The following UBOX5 variants were observed in gnomAD, a reference collection of about 807,000 sequenced individuals.
UBOX5 encodes RING finger protein 37.
In UBOX5, 28 loss-of-function variants were observed where a neutral mutation model predicts 39.0. That is an observed-to-expected ratio of 0.72 (90% CI 0.53 to 0.98). The LOEUF (loss-of-function observed/expected upper bound fraction) is 0.98. UBOX5 is among the 50% of genes least tolerant of loss of function. UBOX5 has a pLI of 0.00. For missense variants in UBOX5, 585 were observed against 674.4 expected (o/e 0.87, Z 1.47); for synonymous variants, 283 against 275.5 (o/e 1.03, Z -0.27).
intron 1 of UBOX5, among the ~76,000 whole-genome samples, chr20:3,140,654 C>T (rs2066510189): frequency 6.6e-6 from 1 of 152,114 alleles, no homozygotes; most frequent in South Asian, 2.1e-4. Flanking sequence ...CTTCTGCCAA[C>T]TCCTCCCACA....
rs11480926 is a variant in UBOX5, at chr20:3,108,936, T to TAAAAAA, written c.*1164_*1169dup. On this transcript the variant is annotated 3_prime_UTR_variant, in exon 5 of 5. Transcript: ENST00000217173. ...CAACAGAGACCAACCCTGTCTCAAT[T>TAAAAAA]AAAAAAAAAAAAAAAAAAGCAACTA... 2 of 122,234 alleles carry TAAAAAA rather than the reference T, an allele frequency of 1.6e-5. No individual in the cohort carries two copies. Among genetic ancestry groups the TAAAAAA allele is most frequent in the African/African-American group, 3.1e-5 (1 of 31,832 alleles). 7.6% of individuals were successfully genotyped at this position (122,234 alleles called of 1,614,324 possible).
chr20:3,148,251 T>G (rs952705493), intron 1 of UBOX5: 2 of 1,612,740 alleles, frequency 1.2e-6, no homozygotes, highest in African/African-American at 2.7e-5. Context: ...GATAGATCCT[T>G]CCAGTGCAAA....
At chr20:3,145,150 C>T (rs2066549172) in intron 1 of UBOX5, among the ~76,000 whole-genome samples, 1 of 151,022 alleles carries the variant, frequency 6.6e-6, no homozygotes, top group African/African-American at 2.4e-5. Flanking sequence ...ATAAGTGAAG[C>T]TTTGAGAGCC....
intron 3 of UBOX5, among the ~76,000 whole-genome samples, chr20:3,118,045 T>A: frequency 6.6e-6 from 1 of 151,742 alleles, no homozygotes; most frequent in Non-Finnish European, 1.5e-5. Context: ...TGTGCGCCTG[T>A]AGTCTTGGCT....
chr20:3,123,065 TCAAAGAA>T (rs947233815), intron 2 of UBOX5, among the ~76,000 whole-genome samples: 1 of 152,122 alleles, frequency 6.6e-6, no homozygotes, highest in Non-Finnish European at 1.5e-5. Context: ...AGATTGATCA[TCAAAGAA>T]CAAAGAGCAC....
chr20:3,115,253 A>G, intron 4 of UBOX5, 52 bp downstream of exon 4: 4 of 1,557,508 alleles, frequency 2.6e-6, no homozygotes, highest in Non-Finnish European at 3.5e-6. Context: ...CCAGAGACAG[A>G]AAACAGACCA....
At chr20:3,140,969 A>T (rs987091511) in intron 1 of UBOX5, among the ~76,000 whole-genome samples, 1 of 135,648 alleles carries the variant, frequency 7.4e-6, no homozygotes, top group Non-Finnish European at 1.5e-5. Context: ...CCCAGGCTTG[A>T]GTGCAGTGGC....
intron 1 of UBOX5, chr20:3,148,412 T>C (rs1344888085): frequency 6.2e-7 from 1 of 1,614,006 alleles, no homozygotes; most frequent in Admixed American, 1.7e-5. Context: ...TGAATGGGAG[T>C]GAGGGATTCC....
intron 1 of UBOX5, among the ~76,000 whole-genome samples, chr20:3,123,752 C>T (rs184726265): frequency 4.1e-4 from 62 of 152,236 alleles, no homozygotes; most frequent in African/African-American, 1.5e-3. Flanking sequence ...AGAGAAAGGA[C>T]AGAGTGTTCG....
At chr20:3,137,165 G>C (rs895907269) in intron 1 of UBOX5, among the ~76,000 whole-genome samples, 1 of 145,478 alleles carries the variant, frequency 6.9e-6, no homozygotes, top group African/African-American at 2.6e-5. Context: ...GGATGGTCTC[G>C]AACTTCTGAC....
At chr20:3,123,670 C>T (rs557435615) in intron 1 of UBOX5, among the ~76,000 whole-genome samples, 3 of 152,248 alleles carry the variant, frequency 2.0e-5, no homozygotes, top group African/African-American at 7.2e-5. Context: ...TTCCAAAGAC[C>T]CAATGGAGGC....
chr20:3,118,209 A>C (rs2066308440), intron 3 of UBOX5, among the ~76,000 whole-genome samples: 1 of 151,516 alleles, frequency 6.6e-6, no homozygotes, highest in Non-Finnish European at 1.5e-5. Flanking sequence ...ACTATCGCTC[A>C]TGCCTGTAAT....
intron 4 of UBOX5, among the ~76,000 whole-genome samples, chr20:3,113,278 A>G (rs2066268347): frequency 6.7e-6 from 1 of 148,298 alleles, no homozygotes; most frequent in African/African-American, 2.5e-5. Context: ...ACAGAGCGAA[A>G]CAGAGCAAGA....
chr20:3,115,262 C>G lies in UBOX5; in HGVS notation c.1417+43G>C, dbSNP rs746166230. On this transcript the variant is annotated intron_variant, in intron 4 of 4. Coordinates refer to ENST00000217173, the MANE Select transcript of UBOX5 (RefSeq NM_014948.4). ...CAGCATCCAGAGACAGAAAACAGAC[C>G]ACCCATTCCAAGGCTCCAAGGAGAT... 6 of 1,568,476 alleles carry G rather than the reference C, an allele frequency of 3.8e-6. No homozygotes were observed. In the African/African-American group the frequency reaches 8.2e-5, roughly 21 times the overall value.
chr20:3,119,023 A>G (rs2066314650), intron 3 of UBOX5, among the ~76,000 whole-genome samples: 1 of 152,252 alleles, frequency 6.6e-6, no homozygotes, highest in Non-Finnish European at 1.5e-5. Flanking sequence ...ACTAAGAAAT[A>G]TGAAGATGGA....
At chr20:3,155,553 G>C (rs574541069) in intron 1 of UBOX5, among the ~76,000 whole-genome samples, 1 of 152,026 alleles carries the variant, frequency 6.6e-6, no homozygotes, top group East Asian at 1.9e-4. Flanking sequence ...TGGGTCGGGA[G>C]AGGAAACTAT....
intron 3 of UBOX5, 100 bp downstream of exon 3, chr20:3,121,284 G>T: frequency 1.3e-6 from 2 of 1,491,064 alleles, no homozygotes; most frequent in Non-Finnish European, 1.8e-6. Context: ...ACAGCCTCGG[G>T]AATGTAAGCT....
rs1159549254 is a variant in UBOX5 at position 3,121,769 on chromosome 20, C to G, written c.870G>C (p.Glu290Asp). 6 of 1,614,010 alleles carry G rather than the reference C, an allele frequency of 3.7e-6. No individual in the cohort carries two copies. Among genetic ancestry groups the G allele is most frequent in the Non-Finnish European group, 5.1e-6 (6 of 1,180,046 alleles). Residue 290 changes from glutamate to aspartate, a missense_variant, in exon 3 of 5, where the codon GAG becomes GAC. Transcript: ENST00000217173. ...SGKVIDQSTL[E>D]KCNRSEATWG... ...ATGTGGCTTCACTGCGGTTACACTT[C>G]TCCAGTGTGCTCTGGTCGATGACCT...
intron 1 of UBOX5, chr20:3,148,936 T>G: frequency 6.2e-7 from 1 of 1,614,218 alleles, no homozygotes; most frequent in Non-Finnish European, 8.5e-7. Flanking sequence ...GGCTAATGTG[T>G]TCTGGAGGGT....
Sources: allele counts gnomAD v4.1 joint callset (sites outside exome capture counted in the v4.1 genomes callset), GRCh38; gene constraint gnomAD v4.1.1; transcripts MANE v1.5; gene names NCBI Gene and HGNC (gene_info 2026-07-23, HGNC 2026-07-21).